Variants in EYS observed in about 807,000 individuals in gnomAD.
EYS encodes EGF-like photoreceptor maintenance factor.
A neutral mutation model predicts 282.1 loss-of-function variants in EYS; 250 were observed. The observed-to-expected ratio is 0.89, with a 90% CI of 0.80 to 0.98. The LOEUF (loss-of-function observed/expected upper bound fraction) is 0.98, where lower values mean the gene tolerates loss of function less well. Among genes scored for constraint, EYS ranks in the 50% least tolerant of loss-of-function variants. The pLI, the probability that EYS is intolerant of heterozygous loss-of-function variation, is 0.00. For synonymous variants in EYS, 1,355 were observed against 1,282.9 expected (o/e 1.06, Z -1.20); for missense variants, 4,016 against 3,709.0 (o/e 1.08, Z -2.15).
intron 40 of EYS, among the ~76,000 whole-genome samples, chr6:63,774,939 A>G (rs1349313039): frequency 2.0e-5 from 3 of 150,674 alleles, no homozygotes; most frequent in African/African-American, 4.9e-5. Flanking sequence ...ACATACACAC[A>G]TAGAACTAAG....
chr6:64,430,423 C>T (rs1251093612), intron 28 of EYS, among the ~76,000 whole-genome samples: 1 of 152,092 alleles, frequency 6.6e-6, no homozygotes, highest in Non-Finnish European at 1.5e-5. Flanking sequence ...ATCTGACATG[C>T]TAAGCATTTT....
chr6:64,473,545 C>T (rs1390766956), intron 26 of EYS, among the ~76,000 whole-genome samples: 1 of 152,006 alleles, frequency 6.6e-6, no homozygotes, highest in Non-Finnish European at 1.5e-5. Flanking sequence ...AAGCCATTTA[C>T]AAAGTAAATA....
At chr6:64,404,416 C>T (rs950311466) in intron 28 of EYS, among the ~76,000 whole-genome samples, 14 of 150,720 alleles carry the variant, frequency 9.3e-5, no homozygotes, top group African/African-American at 2.7e-4. Context: ...TGTGTGTGCA[C>T]GCACGCGTGT....
At chr6:65,214,288 A>G (rs538578597) in intron 12 of EYS, among the ~76,000 whole-genome samples, 23 of 151,996 alleles carry the variant, frequency 1.5e-4, no homozygotes, top group African/African-American at 5.5e-4. Flanking sequence ...TAAAAGTGTT[A>G]CTTCAGTGAT....
chr6:63,764,212 T>A (rs947750944), intron 40 of EYS, among the ~76,000 whole-genome samples: 1 of 151,980 alleles, frequency 6.6e-6, no homozygotes, highest in Non-Finnish European at 1.5e-5. Flanking sequence ...TGATCACACC[T>A]TCCCAGACCT....
At chr6:63,750,684 G>A (rs1369956858) in intron 41 of EYS, among the ~76,000 whole-genome samples, 1 of 152,186 alleles carries the variant, frequency 6.6e-6, no homozygotes, top group Non-Finnish European at 1.5e-5. Context: ...CCTTCCAGTT[G>A]CTCTGTGTGA....
rs927476584 is a variant in EYS at position 65,004,541 on chromosome 6, C to T, written c.2138-6838G>A. ...ACAGCGTGGACCTGAAAAGCTGGCA[C>T]ACTGGCACCGGAACTCAAGGGGAAA... is the stretch of plus-strand genomic sequence containing the variant. On this transcript the variant is annotated intron_variant, in intron 13 of 42. Transcript: ENST00000503581. Among the ~76,000 whole-genome samples the T allele has an allele frequency of 2.7e-5, 4 of 147,788 alleles. 1 individual carries two copies. Among genetic ancestry groups the T allele is most frequent in the African/African-American group, 9.7e-5 (4 of 41,166 alleles).
chr6:65,450,454 G>A (rs1218204566), intron 5 of EYS, among the ~76,000 whole-genome samples: 2 of 152,124 alleles, frequency 1.3e-5, no homozygotes, highest in African/African-American at 4.8e-5. Flanking sequence ...TTAATGTATG[G>A]AATCAAGGGG....
chr6:65,335,371 G>C (rs182051647), intron 10 of EYS, among the ~76,000 whole-genome samples: 1 of 151,686 alleles, frequency 6.6e-6, no homozygotes, highest in Non-Finnish European at 1.5e-5. Context: ...GCTAAACTCC[G>C]TAATAGGAGC....
chr6:64,619,966 G>A (rs967051139), intron 23 of EYS, among the ~76,000 whole-genome samples: 27 of 152,276 alleles, frequency 1.8e-4, no homozygotes, highest in African/African-American at 6.5e-4. Context: ...GAAGAAGTCT[G>A]TCTAAAGCCT....
intron 31 of EYS, among the ~76,000 whole-genome samples, chr6:64,122,815 AT>A (rs980439771): frequency 5.9e-5 from 9 of 152,188 alleles, no homozygotes; most frequent in Non-Finnish European, 1.0e-4. Context: ...ATCTTTAAAA[AT>A]ATTCCTTTAA....
At chr6:65,456,522 T>C (rs755990313) in intron 5 of EYS, among the ~76,000 whole-genome samples, 4 of 152,058 alleles carry the variant, frequency 2.6e-5, no homozygotes, top group Non-Finnish European at 4.4e-5. Context: ...ACCACTGTTC[T>C]TGTACAATTA....
chr6:64,506,369 G>A (rs1399142940), intron 26 of EYS, among the ~76,000 whole-genome samples: 1 of 152,162 alleles, frequency 6.6e-6, no homozygotes, highest in Non-Finnish European at 1.5e-5. Context: ...TGAAGAGCAA[G>A]TATTTCCTAA....
intron 10 of EYS, among the ~76,000 whole-genome samples, chr6:65,335,865 T>A (rs1367622335): frequency 6.6e-6 from 1 of 151,736 alleles, no homozygotes; most frequent in Non-Finnish European, 1.5e-5. Context: ...CCAAATTTCA[T>A]GTTGAATTGC....
chr6:64,336,454 T>C (rs1326678192), intron 29 of EYS, among the ~76,000 whole-genome samples: 1 of 152,000 alleles, frequency 6.6e-6, no homozygotes, highest in Non-Finnish European at 1.5e-5. Flanking sequence ...CACCGAACAC[T>C]GGAGCTCCCA....
At chr6:64,366,742 A>C (rs1039577057) in intron 29 of EYS, among the ~76,000 whole-genome samples, 3 of 152,030 alleles carry the variant, frequency 2.0e-5, no homozygotes, top group African/African-American at 7.2e-5. Flanking sequence ...AAATTAGCAA[A>C]ATTAATACCT....
chr6:65,466,829 C>T (rs980203991), intron 5 of EYS, among the ~76,000 whole-genome samples: 4 of 152,036 alleles, frequency 2.6e-5, no homozygotes, highest in Admixed American at 6.6e-5. Flanking sequence ...AAAGGGAATC[C>T]GAGAGAGACT....
rs528062915 is a variant in EYS at position 63,810,652 on chromosome 6, T to C, written c.7229-4280A>G. 2.0e-5 allele frequency among the ~76,000 whole-genome samples: 3 copies of C among 152,256 alleles called. No individual in the cohort carries two copies. In the South Asian group the frequency reaches 6.2e-4, roughly 32 times the overall value. On this transcript the variant is annotated intron_variant, in intron 36 of 42. Coordinates refer to ENST00000503581, the MANE Select transcript of EYS (RefSeq NM_001142800.2). ...CATAAAATGAGAATGTAAGAGCACCTAACATCTGTGAAGAATGAGAAAAGC... is the reference window on the plus strand; with the variant it reads ...CATAAAATGAGAATGTAAGAGCACCCAACATCTGTGAAGAATGAGAAAAGC...
chr6:64,256,658 C>T (rs1295289959), intron 30 of EYS, among the ~76,000 whole-genome samples: 1 of 151,978 alleles, frequency 6.6e-6, no homozygotes, highest in Non-Finnish European at 1.5e-5. Flanking sequence ...AAGGGGCCTG[C>T]CTGTATGATG....
Sources: allele counts gnomAD v4.1 joint callset (sites outside exome capture counted in the v4.1 genomes callset), GRCh38; gene constraint gnomAD v4.1.1; transcripts MANE v1.5; gene names NCBI Gene and HGNC (gene_info 2026-07-23, HGNC 2026-07-21).